The following WIPF1 variants were observed in gnomAD, a reference collection of about 807,000 sequenced individuals.
The protein encoded by WIPF1 is WAS/WASL-interacting protein family member 1.
Under a neutral mutation model 35.4 loss-of-function variants are expected in WIPF1, and 13 were observed. The ratio of observed to expected loss-of-function variants is 0.37; its 90% CI spans 0.24 to 0.58. The LOEUF (loss-of-function observed/expected upper bound fraction) is 0.58. WIPF1 is among the 20% of genes least tolerant of loss of function. The pLI is 0.74. For missense variants in WIPF1, 591 were observed against 667.0 expected, an observed-to-expected ratio of 0.89 and a Z score of 1.25; for synonymous variants, 267 against 266.3, an observed-to-expected ratio of 1.00 and a Z score of -0.02.
chr2:174,642,441 G>A (rs1687317104), intron 1 of WIPF1, among the ~76,000 whole-genome samples: 1 of 138,254 alleles, frequency 7.2e-6, no homozygotes, highest in Non-Finnish European at 1.5e-5. Context: ...CCGCCTCCCA[G>A]GTTCATGCCA....
chr2:174,676,313 TTC>T (rs1688130781), intron 1 of WIPF1: 2 of 86,940 alleles, frequency 2.3e-5, no homozygotes, highest in African/African-American at 4.3e-5. Context: ...CCTCCCTCCC[TTC>T]TTTTTTTTTT....
chr2:174,637,957 C>G (rs1427447060), intron 1 of WIPF1, among the ~76,000 whole-genome samples: 1 of 152,040 alleles, frequency 6.6e-6, no homozygotes, highest in African/African-American at 2.4e-5. Flanking sequence ...TCCTCCTTAC[C>G]TGTTATTAAT....
At chr2:174,631,318 T>C (rs1687013507) in intron 1 of WIPF1, among the ~76,000 whole-genome samples, 4 of 152,188 alleles carry the variant, frequency 2.6e-5, no homozygotes, top group South Asian at 4.1e-4. Context: ...GCTAACAACA[T>C]GGACGGACCT....
intron 3 of WIPF1, among the ~76,000 whole-genome samples, chr2:174,579,956 CT>C (rs1469943311): frequency 1.3e-3 from 193 of 144,320 alleles, no homozygotes; most frequent in Non-Finnish European, 1.3e-3. Flanking sequence ...ACCTTAGTTC[CT>C]TTTTTTTTTT....
intron 7 of WIPF1, among the ~76,000 whole-genome samples, chr2:174,562,882 T>C (rs1684524467): frequency 6.6e-6 from 1 of 152,194 alleles, no homozygotes; most frequent in Non-Finnish European, 1.5e-5. Flanking sequence ...ATTATAGATT[T>C]AGAAAATATG....
chr2:174,598,583 T>C (rs1019806883), upstream of WIPF1, among the ~76,000 whole-genome samples: 14 of 152,202 alleles, frequency 9.2e-5, no homozygotes, highest in Non-Finnish European at 2.1e-4. Context: ...GCTTCCCAGA[T>C]TGCTGGGATT....
chr2:174,629,033 C>A (rs1256797357), intron 1 of WIPF1, among the ~76,000 whole-genome samples: 5 of 152,088 alleles, frequency 3.3e-5, no homozygotes, highest in Non-Finnish European at 7.4e-5. Flanking sequence ...GAAAATTATC[C>A]TCTGGCCTTT....
At chr2:174,617,747 A>C (rs1169788766) in intron 1 of WIPF1, among the ~76,000 whole-genome samples, 1 of 152,228 alleles carries the variant, frequency 6.6e-6, no homozygotes, top group Non-Finnish European at 1.5e-5. Flanking sequence ...ACCCAGCCAT[A>C]GTAAATTATT....
chr2:174,639,575 T>A (rs886202864), intron 1 of WIPF1, among the ~76,000 whole-genome samples: 33 of 152,174 alleles, frequency 2.2e-4, no homozygotes, highest in African/African-American at 8.0e-4. Context: ...TGTTTTTGGT[T>A]TTTTTTGCTA....
At chr2:174,585,736 C>G (rs1273411053) in intron 1 of WIPF1, 125 bp from the exon 2 acceptor site, 1 of 687,664 alleles carries the variant, frequency 1.5e-6, no homozygotes, top group African/African-American at 1.8e-5. Flanking sequence ...ATGGGCTTAC[C>G]TTTACACCTC....
At chr2:174,678,244 C>G (rs1339995459) in intron 1 of WIPF1, among the ~76,000 whole-genome samples, 1 of 152,048 alleles carries the variant, frequency 6.6e-6, no homozygotes, top group Non-Finnish European at 1.5e-5. Context: ...GGAAAGATGG[C>G]TTATTAGAAG....
At chr2:174,569,498 T>C (rs776050264) in intron 5 of WIPF1, among the ~76,000 whole-genome samples, 1 of 152,204 alleles carries the variant, frequency 6.6e-6, no homozygotes, top group Non-Finnish European at 1.5e-5. Flanking sequence ...TGGGGCCCTG[T>C]ACTACGTAAC....
chr2:174,560,664 T>C lies in WIPF1; in HGVS notation c.*1883A>G, dbSNP rs1285286219. 6.6e-6 allele frequency: 1 copy of C among 152,592 alleles called. No homozygotes were observed. The highest frequency in any genetic ancestry group is 1.5e-5 in the Non-Finnish European group (1 of 68,012). 9.5% of individuals were successfully genotyped at this position (152,592 alleles called of 1,614,324 possible). A position where few individuals can be genotyped will look rare whatever the true frequency, so the allele number is the denominator to read the frequency against. ...TTTGAGTAAAAAGCCCAAATGACTG[T>C]ATGGAAGAGAGATGAATGGTAGAGG... is the stretch of plus-strand genomic sequence containing the variant. On this transcript the variant is annotated 3_prime_UTR_variant, in exon 8 of 8. Transcript: ENST00000679041.
chr2:174,674,002 A>G (rs1367276027), intron 1 of WIPF1, among the ~76,000 whole-genome samples: 1 of 152,212 alleles, frequency 6.6e-6, no homozygotes, highest in African/African-American at 2.4e-5. Context: ...CTACCCAAAT[A>G]CAAGAAATTT....
intron 1 of WIPF1, among the ~76,000 whole-genome samples, chr2:174,668,735 G>A (rs1687946235): frequency 6.6e-6 from 1 of 152,246 alleles, no homozygotes; most frequent in Admixed American, 6.5e-5. Flanking sequence ...CAGTGGATCA[G>A]TGGCCCTAAC....
Position 174,562,620 on chromosome 2 carries a change from CAA to C in WIPF1, c.1457-20_1457-19del, listed in dbSNP as rs911534832. On this transcript the variant is annotated intron_variant, in intron 7 of 7. Coordinates refer to ENST00000679041, the MANE Select transcript of WIPF1 (RefSeq NM_001375834.1). The stretch of plus-strand genomic sequence containing the variant: ...GGATCCACCTTGGTGAAAAAACAGA[CAA>C]AATATAATTTTGGTTAGAAAGCTGA... 1.9e-6 allele frequency: 3 copies of C among 1,613,844 alleles called. No individual in the cohort carries two copies. Among genetic ancestry groups the C allele is most frequent in the Non-Finnish European group, 2.5e-6 (3 of 1,179,890 alleles).
rs371918198 is a variant in WIPF1 at position 174,653,611 on chromosome 2, G to A, written c.-39+29163C>T. 8.0e-4 allele frequency among the ~76,000 whole-genome samples: 122 copies of A among 151,764 alleles called. No individual in the cohort carries two copies. In the South Asian group the frequency reaches 0.025, roughly 31 times the overall value. ...AAAAAAATTAGCCGGGTGTGGTGGC[G>A]GGTGCCTGTAGTCCCAGCTATTTGG... On this transcript the variant is annotated intron_variant, in intron 1 of 8. Coordinates refer to the WIPF1 transcript ENST00000272746.
intron 1 of WIPF1, among the ~76,000 whole-genome samples, chr2:174,588,553 GT>G (rs1685502033): frequency 6.6e-6 from 1 of 152,120 alleles, no homozygotes; most frequent in Admixed American, 6.5e-5. Flanking sequence ...TGTTGCTGCT[GT>G]TTTAGTACTG....
chr2:174,681,336 A>G (rs1010005785), intron 1 of WIPF1, among the ~76,000 whole-genome samples: 4 of 152,198 alleles, frequency 2.6e-5, no homozygotes, highest in African/African-American at 9.7e-5. Flanking sequence ...TGCGGCTGAT[A>G]GGCAGGTAGA....
Sources: gnomAD v4.1 joint callset for allele counts (sites outside exome capture counted in the v4.1 genomes callset) on GRCh38, gnomAD v4.1.1 for gene constraint, MANE v1.5 for transcripts, NCBI Gene and HGNC (gene_info 2026-07-23, HGNC 2026-07-21) for gene names.